The following LSM6 variants were observed in gnomAD, a reference collection of about 807,000 sequenced individuals.
LSM6 encodes U6 snRNA-associated Sm-like protein LSm6.
LSM6 carries 2 observed loss-of-function variants against 13.5 expected under a neutral mutation model. The observed-to-expected ratio is 0.15, with a 90% CI of 0.06 to 0.47. The LOEUF (loss-of-function observed/expected upper bound fraction) is 0.47, where lower values mean the gene tolerates loss of function less well. Among genes scored for constraint, LSM6 ranks in the 20% least tolerant of loss-of-function variants. The pLI is 0.97. For synonymous variants in LSM6, 43 were observed against 34.9 expected (o/e 1.23, Z -0.82); for missense variants, 58 against 96.4 (o/e 0.60, Z 1.67).
At chr4:146,182,811 A>G (rs1266174251) in intron 1 of LSM6, 101 bp from the exon 2 acceptor site, 1 of 715,542 alleles carries the variant, frequency 1.4e-6, no homozygotes, top group South Asian at 1.6e-5. Flanking sequence ...TGGTCCTTTG[A>G]TACTTCATTT....
chr4:146,181,282 A>G (rs1730225024), intron 1 of LSM6: 1 of 152,198 alleles, frequency 6.6e-6, no homozygotes, highest in Non-Finnish European at 1.5e-5. Flanking sequence ...TAGGATGTTG[A>G]CTTTTCTTGG....
chr4:146,183,865 ATTTTC>A (rs1404952325), intron 2 of LSM6, among the ~76,000 whole-genome samples: 2 of 117,596 alleles, frequency 1.7e-5, no homozygotes, highest in Non-Finnish European at 3.6e-5. Flanking sequence ...GTACTGGGTA[ATTTTC>A]TTTTTTTTTT....
chr4:146,188,782 C>T (rs752934693), intron 3 of LSM6, among the ~76,000 whole-genome samples: 6 of 151,776 alleles, frequency 4.0e-5, no homozygotes, highest in South Asian at 2.1e-4. Flanking sequence ...AGACTTTTAA[C>T]GGGAACTCAG....
intron 2 of LSM6, among the ~76,000 whole-genome samples, chr4:146,186,396 G>A (rs977464159): frequency 6.6e-6 from 1 of 152,084 alleles, no homozygotes; most frequent in Non-Finnish European, 1.5e-5. Flanking sequence ...AGACTCGACT[G>A]AATTGAATCT....
chr4:146,178,137 A>G (rs1190526044), intron 1 of LSM6, among the ~76,000 whole-genome samples: 1 of 152,184 alleles, frequency 6.6e-6, no homozygotes, highest in Non-Finnish European at 1.5e-5. Flanking sequence ...GTTTGGGCTG[A>G]TGGGGGCTGG....
In LSM6 at chr4:146,189,614, C is replaced by A. The variant is rs184688180; in HGVS notation, c.209-8C>A. 2.1e-5 allele frequency: 33 copies of A among 1,577,248 alleles called. No individual in the cohort carries two copies. Among genetic ancestry groups the A allele is most frequent in the Middle Eastern group, 1.7e-4 (1 of 5,966 alleles). ...TAAATTTCAATTTATGTATTTTTTT[C>A]TTTTCAGTGTTGTACATCAGTACAC... On this transcript the variant is annotated splice_polypyrimidine_tract_variant and splice_region_variant and intron_variant, in intron 3 of 3. Transcript: ENST00000296581.
intron 1 of LSM6, among the ~76,000 whole-genome samples, chr4:146,182,597 A>G (rs995451092): frequency 3.3e-5 from 5 of 152,258 alleles, no homozygotes; most frequent in African/African-American, 9.6e-5. Flanking sequence ...TATACTGACT[A>G]TGTGTCAGGC....
chr4:146,188,959 T>C (rs1730407063), intron 3 of LSM6, among the ~76,000 whole-genome samples: 2 of 152,084 alleles, frequency 1.3e-5, no homozygotes, highest in East Asian at 1.9e-4. Context: ...CTGGTTAGAT[T>C]TACTGATTTA....
At chr4:146,185,670 T>TTTGTTTGTTTG (rs1322750182) in intron 2 of LSM6, among the ~76,000 whole-genome samples, 1 of 132,538 alleles carries the variant, frequency 7.5e-6, no homozygotes, top group Non-Finnish European at 1.5e-5. Flanking sequence ...TGCTTGTTTG[T>TTTGTTTGTTTG]TTGTTTGTTT....
At chr4:146,186,411 T>C (rs1355314610) in intron 2 of LSM6, among the ~76,000 whole-genome samples, 9 of 151,976 alleles carry the variant, frequency 5.9e-5, no homozygotes, top group Admixed American at 5.2e-4. Context: ...GAATCTAGTA[T>C]TTGTTTTTAC....
intron 2 of LSM6, among the ~76,000 whole-genome samples, chr4:146,186,585 G>A (rs745521195): frequency 2.6e-5 from 4 of 152,068 alleles, no homozygotes; most frequent in Admixed American, 6.5e-5. Context: ...AAGCTCCCTC[G>A]AATGTTTTTG....
chr4:146,187,437 T>G, intron 3 of LSM6, 50 bp downstream of exon 3: 1 of 1,175,430 alleles, frequency 8.5e-7, no homozygotes, highest in South Asian at 1.3e-5. Context: ...GCCTTTCTAT[T>G]TATAATCCAG....
chr4:146,186,987 T>A (rs570489166), intron 2 of LSM6, among the ~76,000 whole-genome samples: 22 of 152,346 alleles, frequency 1.4e-4, no homozygotes, highest in African/African-American at 5.3e-4. Flanking sequence ...TCTCTTACTT[T>A]TTTGAATGCT....
chr4:146,175,745 T>G lies in LSM6; in HGVS notation c.-77T>G, dbSNP rs1730086041. On this transcript the variant is annotated 5_prime_UTR_variant, in exon 1 of 4. Transcript: ENST00000296581. Reference sequence around the variant, plus strand: ...CTGCCTCGGCGCTTTCGGTTTTGGCTGGGATCATCCGCGGCGGCCGGGCTC... The same window carrying G: ...CTGCCTCGGCGCTTTCGGTTTTGGCGGGGATCATCCGCGGCGGCCGGGCTC... The G allele has an allele frequency of 6.6e-6, 1 of 152,406 alleles. No homozygotes were observed. The highest frequency in any genetic ancestry group is 6.5e-5 in the Admixed American group (1 of 15,304). 9.4% of individuals were successfully genotyped at this position (152,406 alleles called of 1,614,324 possible). A position where few individuals can be genotyped will look rare whatever the true frequency, so the allele number is the denominator to read the frequency against.
chr4:146,181,847 AAG>A (rs1220763719), intron 1 of LSM6, among the ~76,000 whole-genome samples: 1 of 152,196 alleles, frequency 6.6e-6, no homozygotes, highest in Admixed American at 6.5e-5. Context: ...CATATTTTGA[AAG>A]AGAGCTATTT....
chr4:146,183,840 C>T (rs868540968), intron 2 of LSM6, among the ~76,000 whole-genome samples: 3 of 148,900 alleles, frequency 2.0e-5, no homozygotes, highest in Non-Finnish European at 1.5e-5. Context: ...TTGGTGCACC[C>T]GTCACCTGAG....
intron 1 of LSM6, chr4:146,181,273 A>C (rs921625307): frequency 2.0e-5 from 3 of 152,238 alleles, no homozygotes; most frequent in African/African-American, 7.2e-5. Flanking sequence ...TATTTGACTT[A>C]GGATGTTGAC....
chr4:146,179,307 G>A (rs576266265), intron 1 of LSM6, among the ~76,000 whole-genome samples: 1 of 152,172 alleles, frequency 6.6e-6, no homozygotes, highest in Non-Finnish European at 1.5e-5. Context: ...GAAATTGTCA[G>A]AACTGTTTCT....
intron 1 of LSM6, among the ~76,000 whole-genome samples, chr4:146,178,105 C>T (rs1320468428): frequency 6.6e-6 from 1 of 152,182 alleles, no homozygotes; most frequent in East Asian, 1.9e-4. Flanking sequence ...CATGCATGAT[C>T]CTACTGGTCA....
Sources: allele counts gnomAD v4.1 joint callset (sites outside exome capture counted in the v4.1 genomes callset), GRCh38; gene constraint gnomAD v4.1.1; transcripts MANE v1.5; gene names NCBI Gene and HGNC (gene_info 2026-07-23, HGNC 2026-07-21).